The following ASH1L variants were observed in gnomAD, a reference collection of about 807,000 sequenced individuals.
ASH1L encodes histone-lysine N-methyltransferase ASH1L.
A neutral mutation model predicts 269.0 loss-of-function variants in ASH1L; 23 were observed. The observed-to-expected ratio is 0.09, with a 90% CI of 0.06 to 0.12. ASH1L has a LOEUF of 0.12. ASH1L is among the 10% of genes least tolerant of loss of function. The pLI is 1.00. For synonymous variants in ASH1L, 1,187 were observed against 1,253.5 expected (o/e 0.95, Z 1.12); for missense variants, 2,912 against 3,567.8 (o/e 0.82, Z 4.68).
intron 1 of ASH1L, among the ~76,000 whole-genome samples, chr1:155,541,780 AC>A (rs952115677): frequency 4.2e-4 from 64 of 152,194 alleles, no homozygotes; most frequent in Non-Finnish European, 7.2e-4. Flanking sequence ...AGGGAGCACT[AC>A]TAGATTAAAT....
In ASH1L at chr1:155,542,148, T is replaced by C. The variant is rs143537203; in HGVS notation, c.-100+20005A>G. 1.1e-4 allele frequency among the ~76,000 whole-genome samples: 17 copies of C among 152,306 alleles called. No individual in the cohort carries two copies. In the East Asian group the frequency reaches 3.3e-3, roughly 29 times the overall value. ...GGAGGGGGATAGGAATGTAGGATTG[T>C]GTTTCCGAGAAATATATAGGAACAC... On this transcript the variant is annotated intron_variant, in intron 1 of 27. Transcript: ENST00000392403.
Position 155,479,597 on chromosome 1 carries a change from T to C in ASH1L, c.3273A>G (p.Pro1091=). 1 of 1,614,136 alleles carries C rather than the reference T, an allele frequency of 6.2e-7. No individual in the cohort carries two copies. The highest frequency in any genetic ancestry group is 8.5e-7 in the Non-Finnish European group (1 of 1,180,022). Residue 1091 remains proline (P), a synonymous_variant, in exon 3 of 28, where the codon CCA becomes CCG. Transcript: ENST00000392403. ...AACTACTAGCAGATGAAGGCAGTAA[T>C]GGGGGAAGAATCTGTCCTAATGCTG... ...AGSALGQILP[P]LLPSSASSSE... is the part of the protein sequence containing the mutation.
intron 1 of ASH1L, among the ~76,000 whole-genome samples, chr1:155,533,895 T>C (rs987529887): frequency 2.6e-5 from 4 of 152,124 alleles, no homozygotes; most frequent in African/African-American, 9.7e-5. Flanking sequence ...ATTCTTAATC[T>C]ATTCCTTCAT....
Position 155,337,721 on chromosome 1 carries a change from C to T in ASH1L, c.8834G>A (p.Gly2945Glu). ...ACGCCTTCGCAGTTTCCTGCCTGATCCTTCCTCCAGCAAGTAGGTCACATC... is the reference window on the plus strand; with the variant it reads ...ACGCCTTCGCAGTTTCCTGCCTGATTCTTCCTCCAGCAAGTAGGTCACATC... ...AIDVTYLLEE[G>E]SGRKLRRRTL... The change falls in exon 28 of 28, where the codon GGA (glycine) becomes GAA (glutamate). Residue 2945 changes from glycine (G) to glutamate (E), a missense_variant. Physicochemically the swap from Gly to Glu is moderately conservative, Grantham distance 98. Coordinates refer to ENST00000392403, the MANE Select transcript of ASH1L (RefSeq NM_018489.3). 6.2e-7 allele frequency: 1 copy of T among 1,614,044 alleles called. No individual in the cohort carries two copies. Among genetic ancestry groups the T allele is most frequent in the Non-Finnish European group, 8.5e-7 (1 of 1,179,912 alleles).
chr1:155,469,410 C>T (rs1217294296), intron 3 of ASH1L, among the ~76,000 whole-genome samples: 2 of 152,010 alleles, frequency 1.3e-5, no homozygotes, highest in African/African-American at 4.8e-5. Context: ...CTTGAACTCC[C>T]GACCTCAGGT....
chr1:155,420,379 CAAAAACAA>C (rs1444099500), intron 5 of ASH1L, among the ~76,000 whole-genome samples: 1 of 122,022 alleles, frequency 8.2e-6, no homozygotes, highest in Non-Finnish European at 1.8e-5. Flanking sequence ...AAAAAAAAAA[CAAAAACAA>C]AAAAACAAGA....
intron 7 of ASH1L, among the ~76,000 whole-genome samples, chr1:155,381,006 T>A (rs1314632567): frequency 6.6e-6 from 1 of 152,064 alleles, no homozygotes; most frequent in Non-Finnish European, 1.5e-5. Context: ...ACTGCATATA[T>A]GATGGTGGAC....
chr1:155,516,509 T>C (rs1668512874), intron 2 of ASH1L, among the ~76,000 whole-genome samples: 1 of 152,166 alleles, frequency 6.6e-6, no homozygotes, highest in Non-Finnish European at 1.5e-5. Context: ...CCAAAATCAG[T>C]TGTGGCCAAC....
rs1014655811 is a variant in ASH1L at position 155,506,566 on chromosome 1, G to A, written c.420+14534C>T. The stretch of plus-strand genomic sequence containing the variant: ...ACAAAAATTAGCCAGGCATGGTGGC[G>A]TGTGCCTGTAGTACCAGCTACCTGG... On this transcript the variant is annotated intron_variant, in intron 2 of 27. Coordinates refer to ENST00000392403, the MANE Select transcript of ASH1L (RefSeq NM_018489.3). Among the ~76,000 whole-genome samples, 5 of 151,920 alleles carry A rather than the reference G, an allele frequency of 3.3e-5. No homozygotes were observed. The East Asian group carries it at 7.8e-4, about 24-fold the overall frequency.
chr1:155,480,684 C>T lies in ASH1L; in HGVS notation c.2186G>A (p.Arg729Gln), dbSNP rs763411992. 37 of 1,613,508 alleles carry T rather than the reference C, an allele frequency of 2.3e-5. 1 individual carries two copies. The East Asian group carries it at 5.6e-4, about 24-fold the overall frequency. ...WTKVVARSTCRSPKGLELERS... is the reference protein window; with the variant it reads ...WTKVVARSTCQSPKGLELERS... ...TTCTAATTCTAGCCCTTTTGGAGACCGGCATGTGCTTCTTGCCACCACTTT... is the reference window on the plus strand; with the variant it reads ...TTCTAATTCTAGCCCTTTTGGAGACTGGCATGTGCTTCTTGCCACCACTTT... Residue 729 changes from arginine to glutamine, a missense_variant, in exon 3 of 28, where the codon CGG becomes CAG. Arg to Gln is a conservative substitution (Grantham distance 43). This residue lies in a region of ASH1L where 715 missense variants were observed against 721.0 expected (regional missense o/e 0.99). Coordinates refer to ENST00000392403, the MANE Select transcript of ASH1L (RefSeq NM_018489.3).
intron 2 of ASH1L, among the ~76,000 whole-genome samples, chr1:155,506,586 A>G (rs1667830881): frequency 6.6e-6 from 1 of 152,022 alleles, no homozygotes; most frequent in African/African-American, 2.4e-5. Context: ...AGTACCAGCT[A>G]CCTGGGAGGC....
intron 7 of ASH1L, among the ~76,000 whole-genome samples, chr1:155,390,313 TA>T (rs1178756834): frequency 6.6e-6 from 1 of 152,210 alleles, no homozygotes; most frequent in Non-Finnish European, 1.5e-5. Flanking sequence ...AACATCTGAA[TA>T]GTCTAGATCT....
chr1:155,538,641 CTTTTTTTTTTT>C (rs35340905), intron 1 of ASH1L, among the ~76,000 whole-genome samples: 1 of 107,966 alleles, frequency 9.3e-6, no homozygotes, highest in African/African-American at 3.4e-5. Context: ...TGTACCCAGC[CTTTTTTTTTTT>C]TTTTTTTTTT....
intron 2 of ASH1L, among the ~76,000 whole-genome samples, chr1:155,497,144 G>A (rs754862036): frequency 1.3e-5 from 2 of 151,950 alleles, no homozygotes; most frequent in African/African-American, 2.4e-5. Flanking sequence ...GTGCCAATTT[G>A]ATTTGTTTAA....
intron 5 of ASH1L, 68 bp downstream of exon 5, chr1:155,438,259 T>C (rs1003354263): frequency 2.8e-6 from 4 of 1,425,768 alleles, no homozygotes; most frequent in East Asian, 2.3e-5. Flanking sequence ...AATTCAGCTA[T>C]AGAGTTACAT....
At chr1:155,470,341 C>T (rs542705949) in intron 3 of ASH1L, among the ~76,000 whole-genome samples, 1 of 152,060 alleles carries the variant, frequency 6.6e-6, no homozygotes, top group African/African-American at 2.4e-5. Flanking sequence ...CACCTGTAAT[C>T]CCAGCTACTC....
chr1:155,356,680 C>G (rs910149159), intron 15 of ASH1L, among the ~76,000 whole-genome samples: 1 of 151,392 alleles, frequency 6.6e-6, no homozygotes, highest in East Asian at 1.9e-4. Context: ...CAAGGTCTTT[C>G]CATGTTGCCG....
Position 155,438,811 on chromosome 1 carries a change from G to C in ASH1L, c.5344C>G (p.Leu1782Val), listed in dbSNP as rs1662310992. 3.7e-6 allele frequency: 6 copies of C among 1,614,184 alleles called. No homozygotes were observed. Among genetic ancestry groups the C allele is most frequent in the Non-Finnish European group, 4.2e-6 (5 of 1,180,034 alleles). The change falls in exon 5 of 28, where the codon CTA becomes GTA. Residue 1782 changes from leucine (L) to valine (V), a missense_variant. Around this residue, in one of 13 missense-constraint regions of ASH1L, gnomAD observed 789 missense variants for 897.6 expected, o/e 0.88. Transcript: ENST00000392403. Reference sequence around the variant, plus strand: ...CAGCTGCTTGTCAACTTTTCAGATAGGAGTGAGATGCTATTATTGCAAGAG... The same window carrying C: ...CAGCTGCTTGTCAACTTTTCAGATACGAGTGAGATGCTATTATTGCAAGAG... ...SDSCNNSISL[L>V]SEKLTSSCSP... is the part of the protein sequence containing the mutation.
intron 10 of ASH1L, among the ~76,000 whole-genome samples, chr1:155,373,890 A>G (rs1488345569): frequency 6.6e-6 from 1 of 152,222 alleles, no homozygotes; most frequent in Non-Finnish European, 1.5e-5. Flanking sequence ...GCTGGTCACA[A>G]ACTCCTGGAC....
Sources: allele counts gnomAD v4.1 joint callset (sites outside exome capture counted in the v4.1 genomes callset), GRCh38; gene constraint gnomAD v4.1.1; regional missense constraint gnomAD v4.1.1; transcripts MANE v1.5; gene names NCBI Gene and HGNC (gene_info 2026-07-23, HGNC 2026-07-21).